The following MEF2A variants were observed in gnomAD, a reference collection of about 807,000 sequenced individuals.
The protein encoded by MEF2A is myocyte-specific enhancer factor 2A.
Under a neutral mutation model 55.8 loss-of-function variants are expected in MEF2A, and 28 were observed. The observed-to-expected ratio is 0.50, with a 90% CI of 0.37 to 0.69. MEF2A has a LOEUF of 0.69. MEF2A is among the 30% of genes least tolerant of loss of function. The probability of loss-of-function intolerance (pLI) is 0.00; values close to 1 mark genes in which losing one functional copy is unlikely to be tolerated. For synonymous variants in MEF2A, 239 were observed against 227.1 expected (o/e 1.05, Z -0.47); for missense variants, 528 against 626.2 (o/e 0.84, Z 1.67).
chr15:99,682,875 G>A (rs1290586873), intron 7 of MEF2A, among the ~76,000 whole-genome samples: 1 of 152,100 alleles, frequency 6.6e-6, no homozygotes, highest in African/African-American at 2.4e-5. Flanking sequence ...TCAGATTTGA[G>A]TATAAATCAA....
Position 99,712,632 on chromosome 15 carries a change from G to C in MEF2A, c.1379G>C (p.Ser460Thr). ...CCTGTGGACAGTCTGAGCAGCTCTA[G>C]TAGCTCCTATGATGGCAGTGATCGG... Reference protein sequence around the residue: ...RSPVDSLSSSSSSYDGSDRED... With the variant: ...RSPVDSLSSSTSSYDGSDRED... Residue 460 changes from serine to threonine, a missense_variant, in exon 12 of 12, where the codon AGT becomes ACT. Around this residue, in one of 2 missense-constraint regions of MEF2A, gnomAD observed 450 missense variants for 475.3 expected, o/e 0.95. Transcript: ENST00000557942. The surrounding 1 kb of genome is among the most constrained non-coding windows in gnomAD (Gnocchi z 4.1). 6.4e-7 allele frequency: 1 copy of C among 1,552,700 alleles called. No individual in the cohort carries two copies. The highest frequency in any genetic ancestry group is 8.7e-7 in the Non-Finnish European group (1 of 1,147,570).
At chr15:99,648,966 G>A (rs1340398961) in intron 4 of MEF2A, among the ~76,000 whole-genome samples, 3 of 152,120 alleles carry the variant, frequency 2.0e-5, no homozygotes, top group Non-Finnish European at 4.4e-5. Context: ...TAAATAGGTA[G>A]AAATGGTGCT....
At chr15:99,593,391 A>G (rs894912213) in intron 1 of MEF2A, among the ~76,000 whole-genome samples, 1 of 152,102 alleles carries the variant, frequency 6.6e-6, no homozygotes, top group Non-Finnish European at 1.5e-5. Flanking sequence ...GTAGTTTTAT[A>G]TATTTTATCA....
At chr15:99,686,682 AT>A (rs2054286446) in intron 7 of MEF2A, among the ~76,000 whole-genome samples, 1 of 152,074 alleles carries the variant, frequency 6.6e-6, no homozygotes, top group African/African-American at 2.4e-5. Flanking sequence ...AGATAATCTG[AT>A]TACTGTGTGC....
chr15:99,630,675 C>T (rs1281632813), intron 2 of MEF2A, among the ~76,000 whole-genome samples: 1 of 152,168 alleles, frequency 6.6e-6, no homozygotes, highest in Non-Finnish European at 1.5e-5. Context: ...ACTTTTGCTA[C>T]TGGTATGCAG....
intron 3 of MEF2A, among the ~76,000 whole-genome samples, chr15:99,636,367 G>A (rs188847418): frequency 5.3e-5 from 8 of 152,190 alleles, no homozygotes; most frequent in African/African-American, 1.9e-4. Flanking sequence ...TTATTTTAGA[G>A]ACAGGGTCTT....
intron 11 of MEF2A, among the ~76,000 whole-genome samples, chr15:99,711,703 T>G (rs569003585): frequency 6.6e-6 from 1 of 152,250 alleles, no homozygotes; most frequent in East Asian, 1.9e-4. Context: ...AACTGCACAG[T>G]GAGGATTGTT....
intron 8 of MEF2A, among the ~76,000 whole-genome samples, chr15:99,691,781 C>T (rs2055522877): frequency 6.6e-6 from 1 of 152,062 alleles, no homozygotes; most frequent in Non-Finnish European, 1.5e-5. Context: ...GTGAGTTATT[C>T]TCCAATTAAT....
intron 1 of MEF2A, among the ~76,000 whole-genome samples, chr15:99,585,143 A>G (rs1351214564): frequency 6.6e-6 from 1 of 152,204 alleles, no homozygotes; most frequent in Non-Finnish European, 1.5e-5. Context: ...TCTAGTTGAC[A>G]GGATTAATCT....
chr15:99,700,642 T>C (rs1314964183), intron 8 of MEF2A, among the ~76,000 whole-genome samples: 1 of 152,178 alleles, frequency 6.6e-6, no homozygotes, highest in African/African-American at 2.4e-5. Flanking sequence ...GCTCAGATTT[T>C]AGTTTCAGAA....
At chr15:99,644,473 A>C (rs1203821253) in intron 3 of MEF2A, among the ~76,000 whole-genome samples, 1 of 152,182 alleles carries the variant, frequency 6.6e-6, no homozygotes, top group African/African-American at 2.4e-5. Flanking sequence ...CCCGTGAAAA[A>C]AATTTCTAGT....
In MEF2A at chr15:99,585,340, C is replaced by T. The variant is rs917120135; in HGVS notation, c.-224-13090C>T. Among the ~76,000 whole-genome samples, 3 of 152,208 alleles carry T rather than the reference C, an allele frequency of 2.0e-5. No individual in the cohort carries two copies. In the South Asian group the frequency reaches 6.2e-4, roughly 32 times the overall value. On this transcript the variant is annotated intron_variant, in intron 1 of 11. Coordinates refer to ENST00000557942, the MANE Select transcript of MEF2A (RefSeq NM_001319206.4). ...TCCTGTAATTGGAACAATCTCGTTT[C>T]GTGAGTGTGTATAATCACTTTCTTC... is the stretch of plus-strand genomic sequence containing the variant.
At chr15:99,655,254 T>C (rs1424746164) in intron 4 of MEF2A, among the ~76,000 whole-genome samples, 1 of 152,080 alleles carries the variant, frequency 6.6e-6, no homozygotes, top group Non-Finnish European at 1.5e-5. Flanking sequence ...AGAGCCAAGG[T>C]AAATCAATGA....
intron 2 of MEF2A, among the ~76,000 whole-genome samples, chr15:99,618,517 G>T (rs1455300662): frequency 6.6e-6 from 1 of 152,136 alleles, no homozygotes; most frequent in Non-Finnish European, 1.5e-5. Context: ...TATATTTATT[G>T]AATTTGATAA....
At chr15:99,695,163 A>C (rs2056230853) in intron 8 of MEF2A, among the ~76,000 whole-genome samples, 1 of 152,174 alleles carries the variant, frequency 6.6e-6, no homozygotes, top group African/African-American at 2.4e-5. Context: ...TAATTGCTCC[A>C]AAAGGTATCT....
At chr15:99,685,521 G>A (rs900977242) in intron 7 of MEF2A, among the ~76,000 whole-genome samples, 11 of 151,882 alleles carry the variant, frequency 7.2e-5, no homozygotes, top group Admixed American at 1.3e-4. Flanking sequence ...TAGCAGTGCT[G>A]TTGATTTTGT....
chr15:99,692,718 T>C (rs1191784562), intron 8 of MEF2A, among the ~76,000 whole-genome samples: 1 of 152,130 alleles, frequency 6.6e-6, no homozygotes, highest in Non-Finnish European at 1.5e-5. Flanking sequence ...GGTACACAAC[T>C]GGGAGAGGGG....
At chr15:99,690,583 C>G in intron 8 of MEF2A, 155 bp downstream of exon 8, 1 of 783,492 alleles carries the variant, frequency 1.3e-6, no homozygotes, top group Non-Finnish European at 2.2e-6. Context: ...AGAGACAAGT[C>G]TATTTCAAAT....
At chr15:99,625,654 T>C (rs1238804781) in intron 2 of MEF2A, among the ~76,000 whole-genome samples, 1 of 152,150 alleles carries the variant, frequency 6.6e-6, no homozygotes. Flanking sequence ...TTTCCTTCTT[T>C]TCCTAGTTTG....
Sources: gnomAD v4.1 joint callset for allele counts (sites outside exome capture counted in the v4.1 genomes callset) on GRCh38, gnomAD v4.1.1 for gene constraint, gnomAD v4.1.1 regional missense constraint, Gnocchi (gnomAD v3.1) non-coding constraint, MANE v1.5 for transcripts, NCBI Gene and HGNC (gene_info 2026-07-23, HGNC 2026-07-21) for gene names.